ERC2: variants seen among roughly 807,000 people sequenced by gnomAD.
The protein encoded by ERC2 is ERC protein 2.
In ERC2, 42 loss-of-function variants were observed where a neutral mutation model predicts 114.8. The observed-to-expected ratio is 0.37, with a 90% CI of 0.29 to 0.47. ERC2 has a LOEUF of 0.47. Among genes scored for constraint, ERC2 ranks in the 20% least tolerant of loss-of-function variants. The pLI is 0.99. For missense variants in ERC2, 939 were observed against 1,150.7 expected (o/e 0.82, Z 2.66); for synonymous variants, 454 against 425.5 (o/e 1.07, Z -0.82).
At chr3:55,714,556 A>G (rs1489204701) in intron 15 of ERC2, among the ~76,000 whole-genome samples, 1 of 151,792 alleles carries the variant, frequency 6.6e-6, no homozygotes, top group Non-Finnish European at 1.5e-5. Flanking sequence ...TTAAATGGAA[A>G]TAAAAGCAGG....
intron 14 of ERC2, among the ~76,000 whole-genome samples, chr3:55,840,735 G>A (rs1035629980): frequency 6.6e-6 from 1 of 152,056 alleles, no homozygotes; most frequent in Non-Finnish European, 1.5e-5. Flanking sequence ...ATCCAAATGT[G>A]CGGCAACAAA....
At chr3:56,242,764 G>A (rs746327154) in intron 3 of ERC2, among the ~76,000 whole-genome samples, 4 of 152,086 alleles carry the variant, frequency 2.6e-5, no homozygotes, top group Non-Finnish European at 4.4e-5. Context: ...AGTTTGCTGA[G>A]CTATGCAAGA....
chr3:55,891,824 G>A (rs763164101), intron 13 of ERC2, among the ~76,000 whole-genome samples: 23 of 152,174 alleles, frequency 1.5e-4, no homozygotes, highest in South Asian at 2.1e-4. Flanking sequence ...TTATTCTTGC[G>A]GTCCCATGGT....
chr3:55,968,511 A>G (rs1007550343), intron 12 of ERC2, among the ~76,000 whole-genome samples: 33 of 152,332 alleles, frequency 2.2e-4, no homozygotes, highest in African/African-American at 7.5e-4. Context: ...GACTAATTAT[A>G]AGTCTCAGAC....
intron 2 of ERC2, among the ~76,000 whole-genome samples, chr3:56,393,973 C>T (rs1319872281): frequency 1.3e-5 from 2 of 152,028 alleles, no homozygotes; most frequent in African/African-American, 2.4e-5. Flanking sequence ...CTCTTTTGCT[C>T]CCCTGCAATT....
chr3:55,966,189 C>A lies in ERC2; in HGVS notation c.2268-15629G>T, dbSNP rs995788933. On this transcript the variant is annotated intron_variant, in intron 12 of 17. Coordinates refer to ENST00000288221, the MANE Select transcript of ERC2 (RefSeq NM_015576.3). ...TGAGAGCCCATGTACAGATTCCTGA[C>A]CCCTGGAACATAAGCCTTCCCTCTT... Among the ~76,000 whole-genome samples, 12 of 152,254 alleles carry A rather than the reference C, an allele frequency of 7.9e-5. No homozygotes were observed. In the East Asian group the frequency reaches 2.1e-3, roughly 27 times the overall value.
chr3:55,965,846 G>A (rs1025064240), intron 12 of ERC2, among the ~76,000 whole-genome samples: 8 of 152,166 alleles, frequency 5.3e-5, no homozygotes, highest in African/African-American at 1.4e-4. Context: ...CAGAATCAGT[G>A]GTGGGTGGTG....
chr3:56,001,319 A>C (rs141511756), intron 10 of ERC2, among the ~76,000 whole-genome samples: 1 of 152,186 alleles, frequency 6.6e-6, no homozygotes, highest in East Asian at 1.9e-4. Flanking sequence ...CAAATTCTCT[A>C]CTGTGACCAT....
At chr3:56,405,887 CTTTTTTTT>C (rs72095902) in intron 2 of ERC2, among the ~76,000 whole-genome samples, 6 of 85,172 alleles carry the variant, frequency 7.0e-5, no homozygotes, top group East Asian at 3.6e-4. Flanking sequence ...ACTTTTTTTT[CTTTTTTTT>C]TTTTTTTTTT....
intron 12 of ERC2, among the ~76,000 whole-genome samples, chr3:55,977,231 G>A (rs2069662233): frequency 6.6e-6 from 1 of 152,176 alleles, no homozygotes; most frequent in Non-Finnish European, 1.5e-5. Flanking sequence ...CTTGTAGTGT[G>A]GAAGGGGCTT....
At chr3:56,220,789 G>A (rs1021930004) in intron 3 of ERC2, among the ~76,000 whole-genome samples, 2 of 152,234 alleles carry the variant, frequency 1.3e-5, no homozygotes, top group African/African-American at 4.8e-5. Context: ...GGGAAGTTGG[G>A]AAGTACACAT....
At chr3:56,299,059 CTA>C (rs143466343) in intron 2 of ERC2, among the ~76,000 whole-genome samples, 1 of 147,360 alleles carries the variant, frequency 6.8e-6, no homozygotes. Flanking sequence ...TTTTATATAT[CTA>C]TATATATATA....
chr3:56,145,512 C>T (rs1044339175), intron 5 of ERC2, among the ~76,000 whole-genome samples: 2 of 152,218 alleles, frequency 1.3e-5, no homozygotes, highest in South Asian at 4.1e-4. Flanking sequence ...AGATTCAGCT[C>T]TCACAGTTTG....
At chr3:55,994,881 G>A (rs1437055547) in intron 10 of ERC2, among the ~76,000 whole-genome samples, 6 of 152,066 alleles carry the variant, frequency 3.9e-5, no homozygotes, top group African/African-American at 1.2e-4. Context: ...GAAAGCCTAG[G>A]AAAAAAAGTG....
intron 2 of ERC2, among the ~76,000 whole-genome samples, chr3:56,308,698 G>GT (rs1482622028): frequency 6.6e-6 from 1 of 152,006 alleles, no homozygotes; most frequent in South Asian, 2.1e-4. Flanking sequence ...AAATGATAAA[G>GT]TTTTGCACTG....
chr3:56,245,494 G>C (rs1455775184), intron 3 of ERC2, among the ~76,000 whole-genome samples: 1 of 135,124 alleles, frequency 7.4e-6, no homozygotes, highest in East Asian at 2.4e-4. Flanking sequence ...GTATGTATGT[G>C]TGTGTGTGTG....
chr3:55,615,813 G>A (rs1365969855), intron 17 of ERC2, among the ~76,000 whole-genome samples: 2 of 152,218 alleles, frequency 1.3e-5, no homozygotes, highest in Non-Finnish European at 2.9e-5. Context: ...AAAGTGGCAT[G>A]CGAGCAGGAA....
intron 17 of ERC2, among the ~76,000 whole-genome samples, chr3:55,609,078 A>G (rs764299047): frequency 1.3e-5 from 2 of 152,202 alleles, no homozygotes; most frequent in Non-Finnish European, 2.9e-5. Context: ...AAAAGGAGGC[A>G]GGGAGAGTCC....
At chr3:55,997,106 C>T (rs1174735383) in intron 10 of ERC2, among the ~76,000 whole-genome samples, 1 of 152,178 alleles carries the variant, frequency 6.6e-6, no homozygotes. Context: ...CATTATATAA[C>T]ACGTTCCCTT....
Sources: allele counts gnomAD v4.1 joint callset (sites outside exome capture counted in the v4.1 genomes callset), GRCh38; gene constraint gnomAD v4.1.1; transcripts MANE v1.5; gene names NCBI Gene and HGNC (gene_info 2026-07-23, HGNC 2026-07-21).